MROH9: variants seen among roughly 807,000 people sequenced by gnomAD.
MROH9 encodes the protein maestro heat-like repeat-containing protein family member 9.
A neutral mutation model predicts 98.2 loss-of-function variants in MROH9; 92 were observed. The observed-to-expected ratio is 0.94, with a 90% confidence interval of 0.79 to 1.11. MROH9 has a LOEUF of 1.11. MROH9 is among the 50% of genes most tolerant of loss of function. MROH9 has a pLI of 0.00. For missense variants in MROH9, 1,057 were observed against 1,014.8 expected, an observed-to-expected ratio of 1.04 and a Z score of -0.57; for synonymous variants, 397 against 368.9, an observed-to-expected ratio of 1.08 and a Z score of -0.87.
At chr1:171,009,459 A>G (rs1023939810) in intron 15 of MROH9, among the ~76,000 whole-genome samples, 2 of 152,218 alleles carry the variant, frequency 1.3e-5, no homozygotes, top group African/African-American at 2.4e-5. Context: ...AGACTAAGGT[A>G]TGTATTATTT....
chr1:170,965,030 T>C (rs1650175598), intron 6 of MROH9, 121 bp from the exon 7 acceptor site: 2 of 611,300 alleles, frequency 3.3e-6, no homozygotes, highest in Non-Finnish European at 5.9e-6. Flanking sequence ...AAATGTAGGT[T>C]AAGTGTGAAA....
intron 16 of MROH9, among the ~76,000 whole-genome samples, chr1:171,014,856 C>T (rs879030815): frequency 6.6e-6 from 1 of 152,174 alleles, no homozygotes; most frequent in Non-Finnish European, 1.5e-5. Flanking sequence ...AATTGTGAGG[C>T]CCCACCCCCG....
At chr1:170,975,451 G>A (rs985369991) in intron 8 of MROH9, among the ~76,000 whole-genome samples, 1 of 152,090 alleles carries the variant, frequency 6.6e-6, no homozygotes, top group Non-Finnish European at 1.5e-5. Context: ...GATTTAGGGG[G>A]TACAAATGCT....
chr1:170,980,483 G>T (rs548571335), intron 8 of MROH9, among the ~76,000 whole-genome samples: 11 of 152,232 alleles, frequency 7.2e-5, no homozygotes, highest in African/African-American at 2.6e-4. Flanking sequence ...ACAACTATCT[G>T]ATCTTTGACA....
intron 7 of MROH9, among the ~76,000 whole-genome samples, chr1:170,970,386 TG>T (rs1650395922): frequency 7.2e-6 from 1 of 138,770 alleles, no homozygotes; most frequent in South Asian, 2.2e-4. Context: ...TGCCATCGAG[TG>T]GGAAAAAAAA....
Position 170,996,602 on chromosome 1 carries a change from C to T in MROH9, c.1433C>T (p.Ser478Phe), listed in dbSNP as rs1651580820. The T allele has an allele frequency of 1.2e-6, 2 of 1,613,462 alleles. No individual in the cohort carries two copies. Among genetic ancestry groups the T allele is most frequent in the African/African-American group, 1.3e-5 (1 of 74,878 alleles). ...AAGGAGAATTTCTGGGACCAGTTAT[C>T]TGAAGATCTGTGTTACTATCATGGA... The part of the protein sequence containing the change: ...LMKENFWDQL[S>F]EDLCYYHGVC... The change falls in exon 14 of 22, where the codon TCT becomes TTT. Residue 478 changes from serine to phenylalanine, a missense_variant. Physicochemically the swap from Ser to Phe is radical, Grantham distance 155. Coordinates refer to ENST00000367759, the MANE Select transcript of MROH9 (RefSeq NM_001163629.2).
intron 7 of MROH9, among the ~76,000 whole-genome samples, chr1:170,968,900 C>A (rs1028219494): frequency 6.6e-5 from 10 of 152,066 alleles, no homozygotes; most frequent in African/African-American, 2.4e-4. Flanking sequence ...ATGGTGAGAC[C>A]ATATTATTGA....
chr1:171,001,693 G>C (rs1020657213), intron 15 of MROH9, among the ~76,000 whole-genome samples: 1 of 151,962 alleles, frequency 6.6e-6, no homozygotes, highest in Non-Finnish European at 1.5e-5. Context: ...AAGTTCCGCT[G>C]TTGAACAGAA....
intron 6 of MROH9, 102 bp downstream of exon 6, chr1:170,962,078 T>C: frequency 4.7e-6 from 3 of 642,912 alleles, no homozygotes; most frequent in Non-Finnish European, 7.8e-6. Context: ...CCTTCAAGTA[T>C]TTGATGACTG....
chr1:171,045,221 C>T (rs113579778), intron 20 of MROH9, among the ~76,000 whole-genome samples: 13,570 of 151,424 alleles, frequency 0.09, 757 homozygotes, highest in Middle Eastern at 0.22. Context: ...AGGATGGTCT[C>T]GATCTCCTGA....
chr1:170,999,112 G>A (rs371714079), intron 15 of MROH9, among the ~76,000 whole-genome samples: 36 of 151,920 alleles, frequency 2.4e-4, no homozygotes, highest in East Asian at 1.4e-3. Flanking sequence ...TTCTTTGCCC[G>A]GTGTCTATTC....
chr1:170,997,232 C>T (rs1295653589), intron 14 of MROH9, among the ~76,000 whole-genome samples: 1 of 152,066 alleles, frequency 6.6e-6, no homozygotes, highest in Non-Finnish European at 1.5e-5. Context: ...AGAAACTACA[C>T]TCTTTGTGGT....
intron 14 of MROH9, among the ~76,000 whole-genome samples, chr1:170,997,564 C>T (rs1222542335): frequency 6.6e-6 from 1 of 152,114 alleles, no homozygotes; most frequent in Non-Finnish European, 1.5e-5. Flanking sequence ...TTTGGAAGAC[C>T]AACTGGGAAT....
intron 20 of MROH9, 30 bp downstream of exon 20, chr1:171,025,450 C>T (rs1557903298): frequency 1.4e-6 from 2 of 1,382,852 alleles, no homozygotes; most frequent in Admixed American, 2.0e-5. Context: ...CAATTCCTAA[C>T]TTGTCTTAAA....
intron 3 of MROH9, among the ~76,000 whole-genome samples, chr1:170,948,028 T>G (rs1326306290): frequency 6.6e-6 from 1 of 152,016 alleles, no homozygotes; most frequent in African/African-American, 2.4e-5. Context: ...TTTATCTTAT[T>G]TTCTAGGCCT....
At chr1:171,009,944 T>C (rs1652093399) in intron 15 of MROH9, among the ~76,000 whole-genome samples, 1 of 152,210 alleles carries the variant, frequency 6.6e-6, no homozygotes, top group Non-Finnish European at 1.5e-5. Flanking sequence ...TAACATTATT[T>C]TTTTTCCTTT....
In MROH9 at chr1:170,996,555, A is replaced by G. The variant is rs1651576105; in HGVS notation, c.1386A>G (p.Gln462=). The change falls in exon 14 of 22, where the codon CAA becomes CAG. Residue 462 remains glutamine (Q), a synonymous_variant. Coordinates refer to ENST00000367759, the MANE Select transcript of MROH9 (RefSeq NM_001163629.2). The stretch of plus-strand genomic sequence containing the variant: ...TTCTGCTGAATTGTTCTGGACTGCA[A>G]CAGGTGGATATTACTCTAATGAAGG... ...LRVLLNCSGL[Q]QVDITLMKEN... 1.9e-6 allele frequency: 3 copies of G among 1,613,652 alleles called. No homozygotes were observed. Among genetic ancestry groups the G allele is most frequent in the Non-Finnish European group, 2.5e-6 (3 of 1,179,708 alleles).
intron 9 of MROH9, 136 bp downstream of exon 9, chr1:170,983,670 G>T: frequency 1.7e-6 from 1 of 596,382 alleles, no homozygotes; most frequent in Non-Finnish European, 3.0e-6. Context: ...AAATGTAAAT[G>T]ATTATAGACC....
intron 9 of MROH9, among the ~76,000 whole-genome samples, chr1:170,985,758 A>C: frequency 7.0e-6 from 1 of 141,884 alleles, no homozygotes. Flanking sequence ...ACCCCCCTCT[A>C]ATTTTCTTCC....
Sources: gnomAD v4.1 joint callset for allele counts (sites outside exome capture counted in the v4.1 genomes callset) on GRCh38, gnomAD v4.1.1 for gene constraint, MANE v1.5 for transcripts, NCBI Gene and HGNC (gene_info 2026-07-23, HGNC 2026-07-21) for gene names.